The following TTC34 variants were observed in gnomAD, a reference collection of about 807,000 sequenced individuals.
TTC34 encodes the protein tetratricopeptide repeat protein 34.
In TTC34, 44 loss-of-function variants were observed where a neutral mutation model predicts 40.7. The ratio of observed to expected loss-of-function variants is 1.08; its 90% CI spans 0.85 to 1.39. The LOEUF (loss-of-function observed/expected upper bound fraction) is 1.39, where lower values mean the gene tolerates loss of function less well. Among genes scored for constraint, TTC34 ranks in the 40% most tolerant of loss-of-function variants. The probability of loss-of-function intolerance (pLI) is 0.00; values close to 1 mark genes in which losing one functional copy is unlikely to be tolerated. For missense variants in TTC34, 884 were observed against 838.0 expected (o/e 1.05, Z -0.68); for synonymous variants, 422 against 398.6 (o/e 1.06, Z -0.70).
chr1:2,686,992 A>AGCACCGACACCCCCAGGCCTGGAAC (rs1640389858), intron 6 of TTC34, among the ~76,000 whole-genome samples: 1 of 47,080 alleles, frequency 2.1e-5, no homozygotes, highest in Admixed American at 2.0e-4. Context: ...CAGCCTGGAA[A>AGCACCGACACCCCCAGGCCTGGAAC]AGCACCCACA....
intron 2 of TTC34, among the ~76,000 whole-genome samples, chr1:2,793,760 T>C (rs1034952448): frequency 6.6e-6 from 1 of 152,188 alleles, no homozygotes; most frequent in African/African-American, 2.4e-5. Context: ...TTCTGAGCTC[T>C]CTAATTCATT....
intron 6 of TTC34, among the ~76,000 whole-genome samples, chr1:2,782,374 T>G (rs1217128292): frequency 6.6e-6 from 1 of 152,208 alleles, no homozygotes; most frequent in Non-Finnish European, 1.5e-5. Context: ...TGTCATGATT[T>G]GAATTTTCTC....
intron 6 of TTC34, among the ~76,000 whole-genome samples, chr1:2,698,506 A>T (rs796204751): frequency 0.058 from 1,919 of 32,888 alleles, 40 homozygotes; most frequent in Non-Finnish European, 0.11. Flanking sequence ...AGCATCTGAC[A>T]GCCTGAAGCA....
intron 6 of TTC34, among the ~76,000 whole-genome samples, chr1:2,651,338 T>A (rs762420312): frequency 1.4e-4 from 21 of 151,876 alleles, no homozygotes; most frequent in Non-Finnish European, 2.1e-4. Flanking sequence ...TCTGACAGCA[T>A]TGAATGGCAC....
intron 6 of TTC34, among the ~76,000 whole-genome samples, chr1:2,688,041 C>T (rs138095492): frequency 3.3e-5 from 4 of 122,282 alleles, no homozygotes; most frequent in East Asian, 2.7e-4. Context: ...GTAACAGCAC[C>T]CACACCCCCA....
At chr1:2,641,541 G>C (rs780036936) in exon 9 of TTC34, 7 of 1,534,146 alleles carry the variant, frequency 4.6e-6, no homozygotes, top group Non-Finnish European at 6.1e-6. Flanking sequence ...CGTGCAGTGG[G>C]GGCCCGGCCT....
At chr1:2,657,371 G>A (rs1423319056) in intron 6 of TTC34, among the ~76,000 whole-genome samples, 6 of 95,806 alleles carry the variant, frequency 6.3e-5, no homozygotes, top group African/African-American at 9.3e-5. Flanking sequence ...ACTTGGAGCA[G>A]CACCCACACC....
At chr1:2,768,925 G>C (rs1280574289) in intron 6 of TTC34, among the ~76,000 whole-genome samples, 1 of 53,604 alleles carries the variant, frequency 1.9e-5, no homozygotes, top group Non-Finnish European at 3.8e-5. Context: ...CTGACAGCCT[G>C]GAAACCCCCC....
At chr1:2,764,175 C>G (rs1356532225) in intron 6 of TTC34, among the ~76,000 whole-genome samples, 2 of 149,706 alleles carry the variant, frequency 1.3e-5, no homozygotes, top group East Asian at 2.0e-4. Flanking sequence ...AAAACAGCAC[C>G]CTGCAACCCC....
rs61765738 is a variant in TTC34, at chr1:2,692,224, T to A, written c.2227-46661A>T. Among the ~76,000 whole-genome samples, 9 of 14,142 alleles carry A rather than the reference T, an allele frequency of 6.4e-4. 1 individual carries two copies. The highest frequency in any genetic ancestry group is 6.0e-3 in the East Asian group (3 of 496). 9.3% of individuals were successfully genotyped at this position (14,142 alleles called of 152,430 possible). On this transcript the variant is annotated intron_variant, in intron 6 of 8. Transcript: ENST00000401095. Reference sequence around the variant, plus strand: ...TGGACACCCTGGAGCAGCACCCACATCCCCAGGCGAGCATCCGACAGCCTG... The same window carrying A: ...TGGACACCCTGGAGCAGCACCCACAACCCCAGGCGAGCATCCGACAGCCTG...
chr1:2,753,196 C>T (rs1294790501), intron 6 of TTC34, among the ~76,000 whole-genome samples: 1 of 104,914 alleles, frequency 9.5e-6, no homozygotes, highest in Non-Finnish European at 1.8e-5. Flanking sequence ...CATCTGACAT[C>T]GTGCAGCAGC....
At chr1:2,684,490 T>A (rs1258012277) in intron 6 of TTC34, among the ~76,000 whole-genome samples, 2 of 139,686 alleles carry the variant, frequency 1.4e-5, no homozygotes, top group Admixed American at 7.2e-5. Context: ...CAGGCGAGCA[T>A]CTGATGGCCT....
intron 8 of TTC34, 66 bp from the exon 9 acceptor site, chr1:2,641,961 C>A: frequency 7.0e-7 from 1 of 1,419,918 alleles, no homozygotes; most frequent in South Asian, 1.5e-5. Context: ...GCCGCCCCTG[C>A]CCTGCAGAGG....
chr1:2,641,301 G>A (rs910966458), exon 9 of TTC34: 87 of 1,438,310 alleles, frequency 6.0e-5, no homozygotes, highest in Middle Eastern at 3.7e-4. Flanking sequence ...TACACCCCTG[G>A]GCCTGGACAT....
chr1:2,793,672 A>G (rs1433254044), intron 2 of TTC34, among the ~76,000 whole-genome samples: 10 of 152,172 alleles, frequency 6.6e-5, no homozygotes, highest in Non-Finnish European at 1.2e-4. Context: ...CCTCCATTGA[A>G]TAATGCTCCT....
At chr1:2,683,392 GCCCAGGTGAGCATCCGATA>G (rs1640166976) in intron 6 of TTC34, among the ~76,000 whole-genome samples, 2 of 17,384 alleles carry the variant, frequency 1.2e-4, no homozygotes, top group Admixed American at 5.2e-4. Flanking sequence ...GCACCCACAC[GCCCAGGTGAGCATCCGATA>G]GCCTGGAACA....
chr1:2,798,037 T>C (rs1462355745), intron 2 of TTC34, among the ~76,000 whole-genome samples: 1 of 147,354 alleles, frequency 6.8e-6, no homozygotes, highest in South Asian at 2.2e-4. Flanking sequence ...AGCCTCCCAG[T>C]CTCTCAGCCT....
chr1:2,642,464 C>T (rs12726651), intron 8 of TTC34, among the ~76,000 whole-genome samples: 52,618 of 152,104 alleles, frequency 0.35, 10,342 homozygotes, highest in Non-Finnish European at 0.44. Context: ...GGACGGAGGG[C>T]ACAGCCTGTG....
chr1:2,643,154 C>G (rs1293345566), intron 8 of TTC34, among the ~76,000 whole-genome samples: 1 of 152,192 alleles, frequency 6.6e-6, no homozygotes, highest in African/African-American at 2.4e-5. Flanking sequence ...GAAGGGCGCT[C>G]AATCCGACCC....
Sources: allele counts gnomAD v4.1 joint callset (sites outside exome capture counted in the v4.1 genomes callset), GRCh38; gene constraint gnomAD v4.1.1; transcripts MANE v1.5; gene names NCBI Gene and HGNC (gene_info 2026-07-23, HGNC 2026-07-21).